Variants in MACROD2 observed in about 807,000 individuals in gnomAD.
The protein encoded by MACROD2 is mono-ADP ribosylhydrolase 2, also known as ADP-ribose glycohydrolase MACROD2.
MACROD2 carries 36 observed loss-of-function variants against 70.4 expected under a neutral mutation model. That is an observed-to-expected ratio of 0.51 (90% CI 0.39 to 0.68). MACROD2 has a LOEUF of 0.68. Ranked by LOEUF, MACROD2 falls within the 30% of genes least tolerant of loss-of-function variation. The pLI, the probability that MACROD2 is intolerant of heterozygous loss-of-function variation, is 0.00. For synonymous variants in MACROD2, 172 were observed against 178.8 expected, an observed-to-expected ratio of 0.96 and a Z score of 0.30; for missense variants, 496 against 538.4, an observed-to-expected ratio of 0.92 and a Z score of 0.78.
At chr20:16,026,210 C>T (rs916815767) in intron 15 of MACROD2, among the ~76,000 whole-genome samples, 1 of 152,060 alleles carries the variant, frequency 6.6e-6, no homozygotes, top group Non-Finnish European at 1.5e-5. Flanking sequence ...GAGAATCAAA[C>T]CACCAAGCTT....
intron 15 of MACROD2, among the ~76,000 whole-genome samples, chr20:16,022,520 C>G (rs776333038): frequency 6.6e-6 from 1 of 152,154 alleles, no homozygotes; most frequent in Non-Finnish European, 1.5e-5. Flanking sequence ...GTACAAGAAT[C>G]ACTAGGGCAG....
chr20:15,088,680 T>C (rs2075771420), intron 5 of MACROD2, among the ~76,000 whole-genome samples: 1 of 151,648 alleles, frequency 6.6e-6, no homozygotes, highest in Non-Finnish European at 1.5e-5. Context: ...TGATGAATTT[T>C]TTGATTAGAC....
At chr20:14,301,735 A>C (rs1568545249) in intron 3 of MACROD2, among the ~76,000 whole-genome samples, 1 of 151,910 alleles carries the variant, frequency 6.6e-6, no homozygotes, top group Non-Finnish European at 1.5e-5. Context: ...AAAGCATTAC[A>C]TTTTTTTTAA....
At chr20:14,835,236 G>C (rs923955084) in intron 5 of MACROD2, among the ~76,000 whole-genome samples, 8 of 151,998 alleles carry the variant, frequency 5.3e-5, no homozygotes, top group African/African-American at 1.9e-4. Flanking sequence ...CCCTGGACAG[G>C]TTCAGGAATC....
intron 5 of MACROD2, among the ~76,000 whole-genome samples, chr20:14,846,557 ACC>A (rs2073143162): frequency 6.7e-6 from 1 of 148,742 alleles, no homozygotes; most frequent in Non-Finnish European, 1.5e-5. Flanking sequence ...TCCCTCTCTC[ACC>A]CAGGCTGGAG....
chr20:15,002,408 T>C (rs1210244159), intron 5 of MACROD2, among the ~76,000 whole-genome samples: 1 of 152,244 alleles, frequency 6.6e-6, no homozygotes, highest in Non-Finnish European at 1.5e-5. Flanking sequence ...GCCATTTGTA[T>C]CTTCTTTTGA....
chr20:14,554,939 A>G (rs763891381), intron 4 of MACROD2, among the ~76,000 whole-genome samples: 2 of 152,056 alleles, frequency 1.3e-5, no homozygotes, highest in Admixed American at 6.6e-5. Flanking sequence ...GTTTGTTTTA[A>G]TATTTTGGGG....
intron 5 of MACROD2, among the ~76,000 whole-genome samples, chr20:15,120,733 G>T (rs2123247211): frequency 6.6e-6 from 1 of 152,120 alleles, no homozygotes; most frequent in South Asian, 2.1e-4. Flanking sequence ...AAATAAATTT[G>T]TATTCTCTGA....
intron 2 of MACROD2, among the ~76,000 whole-genome samples, chr20:14,068,432 C>G (rs1049746427): frequency 1.3e-5 from 2 of 152,106 alleles, no homozygotes; most frequent in African/African-American, 4.8e-5. Flanking sequence ...ACAAAAAGTT[C>G]AGCCAGAATA....
intron 6 of MACROD2, among the ~76,000 whole-genome samples, chr20:15,337,123 A>G (rs1262117624): frequency 1.3e-5 from 2 of 151,824 alleles, no homozygotes; most frequent in Non-Finnish European, 2.9e-5. Flanking sequence ...TCATAAAGCC[A>G]TTAACTAATT....
chr20:15,933,241 G>C (rs1473440488), intron 10 of MACROD2, 35 bp from the exon 11 acceptor site: 4 of 1,602,810 alleles, frequency 2.5e-6, no homozygotes, highest in Admixed American at 1.7e-5. Context: ...AAATTGACTT[G>C]ATGCATTTTT....
At chr20:15,665,989 TAA>T (rs11484133) in intron 8 of MACROD2, among the ~76,000 whole-genome samples, 1 of 148,764 alleles carries the variant, frequency 6.7e-6, no homozygotes, top group Non-Finnish European at 1.5e-5. Context: ...GAGAAAATAG[TAA>T]AAAAAAAAAG....
intron 5 of MACROD2, among the ~76,000 whole-genome samples, chr20:15,215,523 G>T (rs1344536819): frequency 6.6e-6 from 1 of 151,710 alleles, no homozygotes; most frequent in Admixed American, 6.6e-5. Context: ...TTGATTATTT[G>T]CATTACAAAT....
rs1303789540 is a variant in MACROD2, at chr20:15,216,635, A to G, written c.419-13305A>G. On this transcript the variant is annotated intron_variant, in intron 5 of 17. Transcript: ENST00000684519. ...CTTTTCATGTTTTTAAACCCACTCT[A>G]TATTGCACTTTGTCCTCAGGCTTCG... 2.0e-5 allele frequency among the ~76,000 whole-genome samples: 3 copies of G among 152,138 alleles called. No individual in the cohort carries two copies. In the South Asian group the frequency reaches 6.2e-4, roughly 31 times the overall value.
intron 6 of MACROD2, among the ~76,000 whole-genome samples, chr20:15,308,913 C>G (rs2077724724): frequency 6.6e-6 from 1 of 152,126 alleles, no homozygotes; most frequent in Admixed American, 6.6e-5. Context: ...CTTTGCTGTT[C>G]TCCCAAAGCA....
At chr20:14,169,140 G>C (rs1396539072) in intron 3 of MACROD2, among the ~76,000 whole-genome samples, 1 of 152,090 alleles carries the variant, frequency 6.6e-6, no homozygotes, top group East Asian at 1.9e-4. Flanking sequence ...AAAAGCACTT[G>C]ACAAAATCCA....
At chr20:14,277,727 G>C (rs1380392200) in intron 3 of MACROD2, among the ~76,000 whole-genome samples, 1 of 152,030 alleles carries the variant, frequency 6.6e-6, no homozygotes, top group Non-Finnish European at 1.5e-5. Context: ...GAGAGAGAGA[G>C]AGAAAAGAAA....
At chr20:14,992,354 G>GTATT (rs2074912163) in intron 5 of MACROD2, among the ~76,000 whole-genome samples, 1 of 152,136 alleles carries the variant, frequency 6.6e-6, no homozygotes, top group Non-Finnish European at 1.5e-5. Flanking sequence ...CTAGAAGCTA[G>GTATT]TTAAAATGCA....
At chr20:15,073,437 C>A (rs1018835583) in intron 5 of MACROD2, among the ~76,000 whole-genome samples, 2 of 150,976 alleles carry the variant, frequency 1.3e-5, no homozygotes, top group East Asian at 2.0e-4. Flanking sequence ...CAAAGACTTG[C>A]ACAATTATTT....
Sources: allele counts gnomAD v4.1 joint callset (sites outside exome capture counted in the v4.1 genomes callset), GRCh38; gene constraint gnomAD v4.1.1; transcripts MANE v1.5; gene names NCBI Gene and HGNC (gene_info 2026-07-23, HGNC 2026-07-21).